The following SLC35F2 variants were observed in gnomAD, a reference collection of about 807,000 sequenced individuals.
SLC35F2 encodes the protein solute carrier family 35 member F2, also known as queuine/queuosine transporter SLC35F2.
A neutral mutation model predicts 38.1 loss-of-function variants in SLC35F2; 25 were observed. That is an observed-to-expected ratio of 0.66 (90% CI 0.48 to 0.92). The LOEUF (loss-of-function observed/expected upper bound fraction) is 0.92, where lower values mean the gene tolerates loss of function less well. SLC35F2 is among the 40% of genes least tolerant of loss of function. The pLI is 0.00. For missense variants in SLC35F2, 409 were observed against 452.9 expected (o/e 0.90, Z 0.88); for synonymous variants, 173 against 181.7 (o/e 0.95, Z 0.38).
At chr11:107,837,521 C>A (rs1324876792) in intron 1 of SLC35F2, among the ~76,000 whole-genome samples, 4 of 93,842 alleles carry the variant, frequency 4.3e-5, no homozygotes, top group Non-Finnish European at 8.7e-5. Context: ...AGCCCTGTCT[C>A]TACTAAAAAA....
chr11:107,852,317 C>T (rs753335442), intron 1 of SLC35F2, among the ~76,000 whole-genome samples: 16 of 151,430 alleles, frequency 1.1e-4, no homozygotes, highest in Admixed American at 3.9e-4. Context: ...TTTGGGAGGC[C>T]GAGGCAGGCG....
intron 1 of SLC35F2, among the ~76,000 whole-genome samples, chr11:107,840,335 C>T (rs1859994995): frequency 6.6e-6 from 1 of 152,152 alleles, no homozygotes. Context: ...CTCCCTCTGC[C>T]CATCCCAGTC....
chr11:107,843,863 AAAAAAATATATATATATATATATATAT>A (rs1457675335), intron 1 of SLC35F2, among the ~76,000 whole-genome samples: 4 of 33,762 alleles, frequency 1.2e-4, no homozygotes, highest in African/African-American at 4.2e-4. Flanking sequence ...AAAAAAAAAA[AAAAAAATATATATATATATATATATAT>A]ATATATATAT....
chr11:107,800,892 A>G (rs1859296880), intron 7 of SLC35F2, among the ~76,000 whole-genome samples: 1 of 144,772 alleles, frequency 6.9e-6, no homozygotes. Context: ...ATACAGTGAA[A>G]GCTATTACTA....
rs182391535 is a variant in SLC35F2 at position 107,806,447 on chromosome 11, T to C, written c.574+270A>G. On this transcript the variant is annotated intron_variant, in intron 4 of 7. Coordinates refer to ENST00000525815, the MANE Select transcript of SLC35F2 (RefSeq NM_017515.5). Reference sequence around the variant, plus strand: ...CTCACTTGTAGACTGGGTGAATTCATGGACCTTAATTAGATTTTATAGTAT... The same window carrying C: ...CTCACTTGTAGACTGGGTGAATTCACGGACCTTAATTAGATTTTATAGTAT... Among the ~76,000 whole-genome samples the C allele has an allele frequency of 1.8e-3, 280 of 152,358 alleles. 1 individual carries two copies. Among genetic ancestry groups the C allele is most frequent in the African/African-American group, 6.4e-3 (267 of 41,578 alleles).
chr11:107,793,848 A>G (rs1020417634), intron 7 of SLC35F2, among the ~76,000 whole-genome samples: 2 of 152,266 alleles, frequency 1.3e-5, no homozygotes, highest in Middle Eastern at 3.4e-3. Flanking sequence ...AGAAATTTTA[A>G]AAGTATGGAT....
chr11:107,794,206 G>A (rs1341897332), intron 7 of SLC35F2, among the ~76,000 whole-genome samples: 4 of 151,012 alleles, frequency 2.6e-5, no homozygotes, highest in Non-Finnish European at 5.9e-5. Flanking sequence ...TCAGCCTCCC[G>A]AGTAGCTGGG....
At chr11:107,807,368 T>G (rs1444704063) in intron 3 of SLC35F2, among the ~76,000 whole-genome samples, 2 of 151,366 alleles carry the variant, frequency 1.3e-5, no homozygotes, top group African/African-American at 2.4e-5. Context: ...GAGGATCACT[T>G]GAGCCCGGAG....
chr11:107,822,929 T>G (rs1390574512), intron 1 of SLC35F2, among the ~76,000 whole-genome samples: 2 of 152,064 alleles, frequency 1.3e-5, no homozygotes, highest in African/African-American at 4.8e-5. Flanking sequence ...ATTTAAACAC[T>G]AGTTTTACAT....
At chr11:107,853,707 G>A (rs369120980) in intron 1 of SLC35F2, among the ~76,000 whole-genome samples, 9 of 117,790 alleles carry the variant, frequency 7.6e-5, no homozygotes, top group South Asian at 5.5e-4. Flanking sequence ...GCGACAGAGC[G>A]AGACTCCGTC....
At position 107,815,846 on chromosome 11, in the gene SLC35F2, A is replaced by G; in HGVS notation, c.230T>C (p.Phe77Ser). 1 of 1,614,012 alleles carries G rather than the reference A, an allele frequency of 6.2e-7. No individual in the cohort carries two copies. Among genetic ancestry groups the G allele is most frequent in the East Asian group, 2.2e-5 (1 of 44,862 alleles). Residue 77 changes from phenylalanine to serine, a missense_variant, in exon 2 of 8, where the codon TTT becomes TCT. Physicochemically the swap from Phe to Ser is radical, Grantham distance 155 (BLOSUM62 -2). Transcript: ENST00000525815. ...YKVNTPMLQS[F>S]INYCLLFLIY... Reference sequence around the variant, plus strand: ...TAGGAACAGCAAGCAATAATTGATAAAGCTCTGAAGCATGGGGGTGTTCAC... The same window carrying G: ...TAGGAACAGCAAGCAATAATTGATAGAGCTCTGAAGCATGGGGGTGTTCAC...
chr11:107,834,844 ATTCAG>A (rs1056454551), intron 1 of SLC35F2, among the ~76,000 whole-genome samples: 3 of 152,190 alleles, frequency 2.0e-5, no homozygotes, highest in African/African-American at 7.2e-5. Flanking sequence ...ATGACTACAG[ATTCAG>A]TTATTATGGA....
intron 1 of SLC35F2, among the ~76,000 whole-genome samples, chr11:107,832,715 AG>A (rs1859865241): frequency 6.6e-6 from 1 of 152,186 alleles, no homozygotes; most frequent in Admixed American, 6.5e-5. Flanking sequence ...CTGAGATGAA[AG>A]GATCACCTGA....
Position 107,803,075 on chromosome 11 carries a change from T to A in SLC35F2, c.865A>T (p.Thr289Ser). 1 of 1,613,986 alleles carries A rather than the reference T, an allele frequency of 6.2e-7. No individual in the cohort carries two copies. Among genetic ancestry groups the A allele is most frequent in the Non-Finnish European group, 8.5e-7 (1 of 1,179,950 alleles). ...GTCAGGATGCCCAGGTTGACGGAAG[T>A]GGCACTAGTGACTTTAATCACCAAT... ...MPLVIKVTSA[T>S]SVNLGILTAD... The change falls in exon 7 of 8, where the codon ACT becomes TCT. Residue 289 changes from threonine (T) to serine (S), a missense_variant. Thr to Ser is a moderately conservative substitution (Grantham distance 58, BLOSUM62 1). Coordinates refer to ENST00000525815, the MANE Select transcript of SLC35F2 (RefSeq NM_017515.5).
At chr11:107,857,113 AAGGGAGGAAGGAAGGG>A (rs1591215429) in intron 1 of SLC35F2, among the ~76,000 whole-genome samples, 1 of 120,928 alleles carries the variant, frequency 8.3e-6, no homozygotes, top group African/African-American at 3.6e-5. Flanking sequence ...CAGCAGAAGG[AAGGGAGGAAGGAAGGG>A]AGGAAGGAAG....
intron 3 of SLC35F2, chr11:107,810,201 A>C: frequency 6.1e-6 from 6 of 985,420 alleles, no homozygotes; most frequent in Non-Finnish European, 6.0e-6. Context: ...TTTATAATAT[A>C]TTCTTTGCTA....
At chr11:107,818,815 GTTTTTTCTAGT>G (rs1353696087) in intron 1 of SLC35F2, among the ~76,000 whole-genome samples, 1 of 152,118 alleles carries the variant, frequency 6.6e-6, no homozygotes, top group Non-Finnish European at 1.5e-5. Context: ...TTTTCTAAGA[GTTTTTTCTAGT>G]TTTTAGCCAG....
In SLC35F2 at chr11:107,814,931, A is replaced by T. The variant is rs376312403; in HGVS notation, c.286+859T>A. Among the ~76,000 whole-genome samples the T allele has an allele frequency of 6.6e-5, 10 of 152,186 alleles. No individual in the cohort carries two copies. The East Asian group carries it at 1.7e-3, about 26-fold the overall frequency. On this transcript the variant is annotated intron_variant, in intron 2 of 7. Transcript: ENST00000525815. ...GGACTCCACTAAAAATACAAAAATT[A>T]GCCAGGTGTGGTGGTGTGCACCTGT... is the stretch of plus-strand genomic sequence containing the variant.
intron 1 of SLC35F2, among the ~76,000 whole-genome samples, chr11:107,822,225 C>G (rs1410231900): frequency 6.6e-6 from 1 of 152,050 alleles, no homozygotes; most frequent in Non-Finnish European, 1.5e-5. Flanking sequence ...CAAAGCGAGA[C>G]TCCGTCTCAA....
Sources: allele counts gnomAD v4.1 joint callset (sites outside exome capture counted in the v4.1 genomes callset), GRCh38; gene constraint gnomAD v4.1.1; transcripts MANE v1.5; gene names NCBI Gene and HGNC (gene_info 2026-07-23, HGNC 2026-07-21).